NAPEPLD: variants seen among roughly 807,000 people sequenced by gnomAD.
The protein encoded by NAPEPLD is N-acyl-phosphatidylethanolamine-hydrolyzing phospholipase D.
Under a neutral mutation model 38.1 loss-of-function variants are expected in NAPEPLD, and 23 were observed. That is an observed-to-expected ratio of 0.60 (90% CI 0.43 to 0.86). The LOEUF (loss-of-function observed/expected upper bound fraction) is 0.86, where lower values mean the gene tolerates loss of function less well. NAPEPLD is among the 40% of genes least tolerant of loss of function. NAPEPLD has a pLI of 0.00. For synonymous variants in NAPEPLD, 147 were observed against 162.0 expected (o/e 0.91, Z 0.71); for missense variants, 411 against 476.8 (o/e 0.86, Z 1.28).
At chr7:103,143,244 A>T (rs1043834414) in intron 1 of NAPEPLD, among the ~76,000 whole-genome samples, 1 of 152,128 alleles carries the variant, frequency 6.6e-6, no homozygotes, top group Non-Finnish European at 1.5e-5. Context: ...ATAAATAAAC[A>T]TAAATAAATA....
chr7:103,137,417 CAA>C (rs1288813190), intron 1 of NAPEPLD, among the ~76,000 whole-genome samples: 1 of 152,012 alleles, frequency 6.6e-6, no homozygotes, highest in Non-Finnish European at 1.5e-5. Context: ...AAGAATGAAA[CAA>C]GAGAAACAGC....
intron 4 of NAPEPLD, among the ~76,000 whole-genome samples, chr7:103,106,841 G>T (rs1018950652): frequency 6.6e-6 from 1 of 152,094 alleles, no homozygotes; most frequent in African/African-American, 2.4e-5. Context: ...AGACTTAAAC[G>T]TCCCTGCCTG....
At chr7:103,115,357 G>T (rs193071751) in intron 3 of NAPEPLD, 183 bp from the exon 4 acceptor site, 3 of 492,592 alleles carry the variant, frequency 6.1e-6, no homozygotes, top group Non-Finnish European at 1.1e-5. Flanking sequence ...TGAAGGCCAG[G>T]TCAAGGCTAG....
At position 103,119,938 on chromosome 7, in the gene NAPEPLD, T is replaced by C; in HGVS notation, c.580A>G (p.Asn194Asp). The C allele has an allele frequency of 1.2e-6, 2 of 1,614,184 alleles. No homozygotes were observed. The highest frequency in any genetic ancestry group is 1.7e-6 in the Non-Finnish European group (2 of 1,180,024). Residue 194 changes from asparagine to aspartate, a missense_variant, in exon 3 of 5, where the codon AAT becomes GAT. Transcript: ENST00000465647. ...CGCTCATTCAAAGCAATGACAGAAT[T>C]GTAGTCCAGATGGTCATAGTGGTTG... ...SHNHYDHLDY[N>D]SVIALNERFG...
intron 2 of NAPEPLD, among the ~76,000 whole-genome samples, chr7:103,126,119 G>A (rs1807747476): frequency 6.6e-6 from 1 of 151,960 alleles, no homozygotes; most frequent in Non-Finnish European, 1.5e-5. Context: ...AGCCTCAAAG[G>A]GCTACTACAC....
intron 1 of NAPEPLD, among the ~76,000 whole-genome samples, chr7:103,133,398 A>G (rs1018704672): frequency 1.3e-5 from 2 of 152,244 alleles, no homozygotes; most frequent in Non-Finnish European, 2.9e-5. Flanking sequence ...AGAAGCACGT[A>G]AAACCTGAGC....
At chr7:103,146,897 G>C (rs1812674490) in intron 1 of NAPEPLD, among the ~76,000 whole-genome samples, 1 of 152,100 alleles carries the variant, frequency 6.6e-6, no homozygotes, top group Admixed American at 6.5e-5. Context: ...TGTGGAACAA[G>C]GCTCATATTT....
chr7:103,122,906 C>T (rs897392458), intron 2 of NAPEPLD, among the ~76,000 whole-genome samples: 7 of 152,250 alleles, frequency 4.6e-5, no homozygotes, highest in African/African-American at 1.7e-4. Context: ...TAAGTCTCCT[C>T]TGCTGCAAAA....
At position 103,147,921 on chromosome 7, in the gene NAPEPLD, A is replaced by G. The variant is rs1450191897; in HGVS notation, c.-17+890T>C. ...TGACTTGAAACAAATTTAACCCCTC[A>G]ATCTCTCCTTAAATTATTATTTTAA... On this transcript the variant is annotated intron_variant, in intron 1 of 4. Coordinates refer to ENST00000465647, the MANE Select transcript of NAPEPLD (RefSeq NM_001122838.3). The G allele has an allele frequency of 4.2e-5, 39 of 931,520 alleles. No individual in the cohort carries two copies. In the South Asian group the frequency reaches 1.4e-3, roughly 34 times the overall value. 57.7% of individuals were successfully genotyped at this position (931,520 alleles called of 1,614,324 possible). A position where few individuals can be genotyped will look rare whatever the true frequency, so the allele number is the denominator to read the frequency against.
chr7:103,141,316 G>T (rs1032355595), intron 1 of NAPEPLD: 68 of 575,854 alleles, frequency 1.2e-4, no homozygotes, highest in South Asian at 8.1e-4. Flanking sequence ...ATGTAATCAC[G>T]GAGGCCAGTA....
chr7:103,146,640 C>A (rs1182086893), intron 1 of NAPEPLD, among the ~76,000 whole-genome samples: 1 of 152,214 alleles, frequency 6.6e-6, no homozygotes, highest in East Asian at 1.9e-4. Flanking sequence ...CATGCCAGAC[C>A]TGTGCCTCCA....
chr7:103,145,883 A>G (rs1056547308), intron 1 of NAPEPLD, among the ~76,000 whole-genome samples: 1 of 90,406 alleles, frequency 1.1e-5, no homozygotes, highest in Admixed American at 1.1e-4. Context: ...TTTGGCTTCA[A>G]GTTTAAAAAA....
intron 1 of NAPEPLD, chr7:103,141,634 C>G: frequency 1.1e-6 from 1 of 897,554 alleles, no homozygotes; most frequent in Non-Finnish European, 1.9e-6. Flanking sequence ...GCAGCCGGTG[C>G]AGAATCCTCA....
rs575941527 is a variant in NAPEPLD at position 103,109,708 on chromosome 7, C to T, written c.1056+5352G>A. ...AACTAGAGAAGCAAGAGCAAACAAA[C>T]TCAAAAGCGAGCAGAAGACAAGAAA... is the stretch of plus-strand genomic sequence containing the variant. On this transcript the variant is annotated intron_variant, in intron 4 of 4. Transcript: ENST00000465647. Among the ~76,000 whole-genome samples, 36 of 152,070 alleles carry T rather than the reference C, an allele frequency of 2.4e-4. No homozygotes were observed. In the South Asian group the frequency reaches 7.1e-3, roughly 30 times the overall value.
chr7:103,103,506 C>T lies in NAPEPLD; in HGVS notation c.1105G>A (p.Gly369Arg), dbSNP rs752866619. 79 of 1,599,000 alleles carry T rather than the reference C, an allele frequency of 4.9e-5. No individual in the cohort carries two copies. Among genetic ancestry groups the T allele is most frequent in the East Asian group, 2.3e-4 (10 of 44,110 alleles). Residue 369 changes from glycine to arginine, a missense_variant, in exon 5 of 5, where the codon GGA (glycine) becomes AGA (arginine). By Grantham distance (125) the Gly-to-Arg change is moderately radical. Coordinates refer to ENST00000465647, the MANE Select transcript of NAPEPLD (RefSeq NM_001122838.3). ...ACAAAAAAATCTTCAGCGTTAAGTC[C>T]GTATCTCTCTAGAGCTTCATTCAGC... ...VKLNEALERY[G>R]LNAEDFFVLK...
Position 103,148,851 on chromosome 7 carries a change from G to T in NAPEPLD, c.-57C>A. ...TGAAGATGCAACCTGGTAATTTGCA[G>T]GGAAGATAGGATCTCAAATCCCAGA... On this transcript the variant is annotated 5_prime_UTR_variant, in exon 1 of 5. In the 5' UTR this introduces an upstream ATG that the reference lacks. Transcript: ENST00000465647. 2.0e-6 allele frequency: 2 copies of T among 985,252 alleles called. No homozygotes were observed. The highest frequency in any genetic ancestry group is 2.4e-6 in the Non-Finnish European group (2 of 829,818). 61.0% of individuals were successfully genotyped at this position (985,252 alleles called of 1,614,324 possible).
intron 1 of NAPEPLD, among the ~76,000 whole-genome samples, chr7:103,146,651 G>C (rs565908279): frequency 1.3e-5 from 2 of 152,298 alleles, no homozygotes; most frequent in South Asian, 4.1e-4. Flanking sequence ...TGTGCCTCCA[G>C]AGCCAACAGC....
intron 4 of NAPEPLD, among the ~76,000 whole-genome samples, chr7:103,108,092 C>T (rs866909508): frequency 1.3e-5 from 2 of 151,766 alleles, no homozygotes; most frequent in East Asian, 1.9e-4. Context: ...TCAGCAGAAA[C>T]CCTACAAGCC....
intron 1 of NAPEPLD, among the ~76,000 whole-genome samples, chr7:103,137,571 T>C (rs1810322439): frequency 6.6e-6 from 1 of 152,198 alleles, no homozygotes; most frequent in Non-Finnish European, 1.5e-5. Context: ...ATCTCTTTAA[T>C]ACCTTAAAAA....
Sources: allele counts gnomAD v4.1 joint callset (sites outside exome capture counted in the v4.1 genomes callset), GRCh38; gene constraint gnomAD v4.1.1; transcripts MANE v1.5; gene names NCBI Gene and HGNC (gene_info 2026-07-23, HGNC 2026-07-21).